The following CEP89 variants were observed in gnomAD, a reference collection of about 807,000 sequenced individuals.
CEP89 encodes the protein centrosomal protein of 89 kDa.
In CEP89, 95 loss-of-function variants were observed where a neutral mutation model predicts 97.6. That is an observed-to-expected ratio of 0.97 (90% CI 0.82 to 1.15). The LOEUF is 1.15. CEP89 is among the 50% of genes most tolerant of loss of function. The pLI, the probability that CEP89 is intolerant of heterozygous loss-of-function variation, is 0.00. For missense variants in CEP89, 869 were observed against 947.7 expected (o/e 0.92, Z 1.09); for synonymous variants, 354 against 349.1 (o/e 1.01, Z -0.16).
At chr19:32,939,954 C>A in intron 5 of CEP89, 69 bp from the exon 6 acceptor site, 1 of 760,078 alleles carries the variant, frequency 1.3e-6, no homozygotes, top group Non-Finnish European at 2.2e-6. Flanking sequence ...TCAGAAAGTA[C>A]AATCATAGAA....
chr19:32,944,725 G>A (rs763685710), intron 5 of CEP89, among the ~76,000 whole-genome samples: 5 of 152,312 alleles, frequency 3.3e-5, no homozygotes, highest in Middle Eastern at 3.4e-3. Flanking sequence ...GGGGAACAGC[G>A]TCCACGAGCA....
At chr19:32,923,298 G>T (rs1421883838) in intron 12 of CEP89, 141 bp downstream of exon 12, 2 of 498,048 alleles carry the variant, frequency 4.0e-6, no homozygotes, top group Non-Finnish European at 7.1e-6. Context: ...GGGTTTTATT[G>T]TACCTTATTA....
Position 32,933,563 on chromosome 19 carries a change from G to A in CEP89, c.774C>T (p.Thr258=). ...MDLNNMNQSL[T]LELNTMKQAM... ...CTTGTTTCATTGTGTTTAGTTCAAG[G>A]GTAAGGCTTTGATTCATATTGTTTA... is the stretch of plus-strand genomic sequence containing the variant. Residue 258 remains threonine (T), a synonymous_variant, in exon 8 of 19, where the codon ACC becomes ACT. Coordinates refer to ENST00000305768, the MANE Select transcript of CEP89 (RefSeq NM_032816.5). 6.2e-7 allele frequency: 1 copy of A among 1,612,860 alleles called. No homozygotes were observed. The highest frequency in any genetic ancestry group is 8.5e-7 in the Non-Finnish European group (1 of 1,179,000).
intron 16 of CEP89, among the ~76,000 whole-genome samples, chr19:32,894,536 C>A (rs1969599392): frequency 1.3e-5 from 2 of 152,236 alleles, no homozygotes; most frequent in African/African-American, 4.8e-5. Flanking sequence ...AAAGATATCT[C>A]CAGGGTCCTG....
chr19:32,915,531 G>C lies in CEP89; in HGVS notation c.1385-14C>G, dbSNP rs1220555244. 1.9e-6 allele frequency: 3 copies of C among 1,603,052 alleles called. No individual in the cohort carries two copies. The Admixed American group carries it at 5.3e-5, about 28-fold the overall frequency. ...TCAGCTTAGAAACTGAAAATCAAAA[G>C]AGGAAGATAAAAACTTGGCACAGAA... On this transcript the variant is annotated splice_polypyrimidine_tract_variant and intron_variant, in intron 13 of 18. Transcript: ENST00000305768.
At chr19:32,944,234 A>C (rs955239781) in intron 5 of CEP89, among the ~76,000 whole-genome samples, 2 of 122,820 alleles carry the variant, frequency 1.6e-5, no homozygotes, top group Admixed American at 2.0e-4. Flanking sequence ...AAAAAAAAAA[A>C]AAAGACTCTT....
chr19:32,954,027 C>T (rs1387120357), intron 3 of CEP89, among the ~76,000 whole-genome samples: 1 of 151,988 alleles, frequency 6.6e-6, no homozygotes, highest in Non-Finnish European at 1.5e-5. Context: ...CACCACCGCG[C>T]CTGGCTAATT....
chr19:32,915,154 T>A (rs900722119), intron 14 of CEP89, among the ~76,000 whole-genome samples, 183 bp downstream of exon 14: 4 of 151,996 alleles, frequency 2.6e-5, no homozygotes, highest in African/African-American at 9.7e-5. Context: ...AGTGACTCAT[T>A]ATACTCAAAA....
At chr19:32,943,231 G>A (rs565072344) in intron 5 of CEP89, among the ~76,000 whole-genome samples, 9 of 152,288 alleles carry the variant, frequency 5.9e-5, no homozygotes, top group African/African-American at 2.2e-4. Context: ...TCCTGGGCTC[G>A]AGCAATCCTC....
intron 1 of CEP89, among the ~76,000 whole-genome samples, chr19:32,967,573 G>C (rs62127362): frequency 0.13 from 18,885 of 147,596 alleles, 1,377 homozygotes; most frequent in South Asian, 0.3. Context: ...TTTGAAGCCA[G>C]TAATTAGCAC....
intron 1 of CEP89, chr19:32,969,926 A>G (rs1971363573): frequency 6.6e-6 from 1 of 152,220 alleles, no homozygotes; most frequent in Admixed American, 6.5e-5. Flanking sequence ...TCCAGTCCCA[A>G]CTCATGAGGG....
At chr19:32,913,315 TGTTGTTGTTGTTG>T (rs1568556800) in intron 14 of CEP89, among the ~76,000 whole-genome samples, 16 of 36,044 alleles carry the variant, frequency 4.4e-4, no homozygotes, top group Non-Finnish European at 7.3e-4. Flanking sequence ...ATTTTTTTGT[TGTTGTTGTTGTTG>T]TTGTTGTTGT....
chr19:32,914,589 A>T (rs1038265849), intron 14 of CEP89, among the ~76,000 whole-genome samples: 1 of 152,042 alleles, frequency 6.6e-6, no homozygotes, highest in African/African-American at 2.4e-5. Context: ...ACTATTTTAA[A>T]TTGCCTTTGG....
intron 14 of CEP89, among the ~76,000 whole-genome samples, chr19:32,907,003 C>A (rs1969900355): frequency 6.6e-6 from 1 of 152,020 alleles, no homozygotes; most frequent in East Asian, 1.9e-4. Context: ...CTGGCCTCAC[C>A]CAGGACTTTC....
At chr19:32,944,584 T>G (rs1423697832) in intron 5 of CEP89, among the ~76,000 whole-genome samples, 1 of 151,900 alleles carries the variant, frequency 6.6e-6, no homozygotes, top group Non-Finnish European at 1.5e-5. Context: ...TGGAGAGGTA[T>G]GAGGAGACAT....
At chr19:32,946,721 T>C (rs947364842) in intron 5 of CEP89, among the ~76,000 whole-genome samples, 3 of 152,140 alleles carry the variant, frequency 2.0e-5, no homozygotes, top group Non-Finnish European at 4.4e-5. Context: ...CTGATGGTTT[T>C]ATAAGGGGAA....
intron 6 of CEP89, 96 bp from the exon 7 acceptor site, chr19:32,937,769 G>A: frequency 1.2e-6 from 1 of 832,622 alleles, no homozygotes; most frequent in South Asian, 1.5e-5. Context: ...AGGTATATAA[G>A]CATGCTTTAT....
In CEP89 at chr19:32,903,049, G is replaced by T. The variant is rs1228464783; in HGVS notation, c.1566-1637C>A. Among the ~76,000 whole-genome samples the T allele has an allele frequency of 3.9e-5, 6 of 152,136 alleles. No individual in the cohort carries two copies. In the East Asian group the frequency reaches 5.8e-4, roughly 15 times the overall value. ...ACCCTAACAAAAATCAGCTTTGAAAGAATCCAGCTTAGCCACATGCGGTGG... is the reference window on the plus strand; with the variant it reads ...ACCCTAACAAAAATCAGCTTTGAAATAATCCAGCTTAGCCACATGCGGTGG... On this transcript the variant is annotated intron_variant, in intron 14 of 18. Coordinates refer to ENST00000305768, the MANE Select transcript of CEP89 (RefSeq NM_032816.5).
At chr19:32,884,350 C>A (rs887332774) in intron 17 of CEP89, among the ~76,000 whole-genome samples, 1 of 151,952 alleles carries the variant, frequency 6.6e-6, no homozygotes, top group African/African-American at 2.4e-5. Flanking sequence ...GCTCTTGGGT[C>A]TAGTGTGGAA....
Sources: allele counts gnomAD v4.1 joint callset (sites outside exome capture counted in the v4.1 genomes callset), GRCh38; gene constraint gnomAD v4.1.1; transcripts MANE v1.5; gene names NCBI Gene and HGNC (gene_info 2026-07-23, HGNC 2026-07-21).